SAMD5: variants seen among roughly 807,000 people sequenced by gnomAD.
SAMD5 encodes sterile alpha motif domain-containing protein 5.
A neutral mutation model predicts 11.3 loss-of-function variants in SAMD5; 13 were observed. The observed-to-expected ratio is 1.15, with a 90% CI of 0.75 to 1.83. The LOEUF (loss-of-function observed/expected upper bound fraction) is 1.83. SAMD5 is among the 40% of genes most tolerant of loss of function. SAMD5 has a pLI of 0.00. For missense variants in SAMD5, 255 were observed against 239.1 expected (o/e 1.07, Z -0.44); for synonymous variants, 129 against 111.3 (o/e 1.16, Z -1.00).
At chr6:147,851,860 A>G in the SAMD5 span, among the ~76,000 whole-genome samples, 19 of 152,214 alleles carry the variant, frequency 1.2e-4, no homozygotes, top group South Asian at 2.1e-4. Flanking sequence ...ATAATGAAAA[A>G]GAATATCCAG....
chr6:147,807,622 C>T, the SAMD5 span, among the ~76,000 whole-genome samples: 2 of 152,110 alleles, frequency 1.3e-5, no homozygotes, highest in African/African-American at 4.8e-5. Flanking sequence ...GTTTGCCCCA[C>T]CCTCATACTA....
At chr6:147,616,743 T>A (rs573488650) in intron 1 of SAMD5, among the ~76,000 whole-genome samples, 1 of 152,102 alleles carries the variant, frequency 6.6e-6, no homozygotes, top group South Asian at 2.1e-4. Context: ...AAACTTACAA[T>A]CATGGCAGAA....
At chr6:147,588,471 A>G (rs1789406648) in intron 1 of SAMD5, among the ~76,000 whole-genome samples, 1 of 151,552 alleles carries the variant, frequency 6.6e-6, no homozygotes, top group South Asian at 2.1e-4. Context: ...CTACAGACGC[A>G]CACCACGGTG....
chr6:147,643,190 C>T (rs900543294), intron 1 of SAMD5, among the ~76,000 whole-genome samples: 8 of 152,024 alleles, frequency 5.3e-5, no homozygotes, highest in East Asian at 3.9e-4. Context: ...TGTTTCATTC[C>T]GTATATTAAT....
chr6:147,715,690 G>A (rs1186115438), intron 1 of SAMD5, among the ~76,000 whole-genome samples: 2 of 152,206 alleles, frequency 1.3e-5, no homozygotes, highest in African/African-American at 2.4e-5. Flanking sequence ...GAAGAATGAA[G>A]TATGTGGATA....
At chr6:147,731,694 C>A (rs1791717040) in intron 1 of SAMD5, among the ~76,000 whole-genome samples, 3 of 149,976 alleles carry the variant, frequency 2.0e-5, no homozygotes, top group Admixed American at 2.0e-4. Flanking sequence ...CCCTCCCTCC[C>A]TCCCTCCCTC....
At chr6:147,821,564 C>T in the SAMD5 span, among the ~76,000 whole-genome samples, 10 of 152,298 alleles carry the variant, frequency 6.6e-5, no homozygotes, top group East Asian at 1.9e-4. Flanking sequence ...TGACATGCTG[C>T]GGGGTTCTGC....
the SAMD5 span, among the ~76,000 whole-genome samples, chr6:147,895,564 T>C: frequency 6.6e-6 from 1 of 152,330 alleles, no homozygotes; most frequent in East Asian, 1.9e-4. Context: ...TGGCATCCAC[T>C]GTTCCCTTCC....
At chr6:147,537,365 G>T (rs559109674) in intron 1 of SAMD5, among the ~76,000 whole-genome samples, 7 of 152,168 alleles carry the variant, frequency 4.6e-5, no homozygotes, top group African/African-American at 1.7e-4. Flanking sequence ...AAATATTAAA[G>T]GTTTAAAACA....
chr6:147,771,387 G>A, the SAMD5 span, among the ~76,000 whole-genome samples: 6 of 152,048 alleles, frequency 3.9e-5, no homozygotes, highest in African/African-American at 1.2e-4. Flanking sequence ...TCCCTCACAC[G>A]CATCCCCTTT....
In SAMD5 at chr6:147,569,903, G is replaced by A; in HGVS notation, c.*5447G>A. ...TTATTTTTTTTAAAGGACGTTATGA[G>A]AAGGCACTATGAAAAGCCTAATTGG... On this transcript the variant is annotated 3_prime_UTR_variant, in exon 2 of 2. Transcript: ENST00000367474. 1 of 985,166 alleles carries A rather than the reference G, an allele frequency of 1.0e-6. No individual in the cohort carries two copies. Among genetic ancestry groups the A allele is most frequent in the Non-Finnish European group, 1.2e-6 (1 of 829,750 alleles). 61.0% of individuals were successfully genotyped at this position (985,166 alleles called of 1,614,324 possible). A position where few individuals can be genotyped will look rare whatever the true frequency, so the allele number is the denominator to read the frequency against.
intron 1 of SAMD5, among the ~76,000 whole-genome samples, chr6:147,720,950 T>G: frequency 2.2e-5 from 3 of 133,764 alleles, no homozygotes; most frequent in East Asian, 4.7e-4. Context: ...TATGCGGCGT[T>G]TGGTTTTTTG....
chr6:147,765,861 T>C, the SAMD5 span, among the ~76,000 whole-genome samples: 2 of 151,958 alleles, frequency 1.3e-5, no homozygotes, highest in Admixed American at 6.6e-5. Context: ...CAGGGATAAA[T>C]AGTGAAAAAC....
At chr6:147,677,344 T>C (rs1790877919) in intron 1 of SAMD5, among the ~76,000 whole-genome samples, 1 of 151,920 alleles carries the variant, frequency 6.6e-6, no homozygotes, top group Non-Finnish European at 1.5e-5. Context: ...GAGAAAGTGG[T>C]GTGGTAAGGA....
chr6:147,860,560 G>C, the SAMD5 span, among the ~76,000 whole-genome samples: 34 of 152,142 alleles, frequency 2.2e-4, no homozygotes, highest in African/African-American at 7.2e-4. Flanking sequence ...ATCCACCTGT[G>C]CATCTTTGAA....
At chr6:147,891,465 A>G in the SAMD5 span, among the ~76,000 whole-genome samples, 3 of 152,162 alleles carry the variant, frequency 2.0e-5, no homozygotes, top group East Asian at 5.8e-4. Flanking sequence ...GCCATAGGAC[A>G]TAGAGGAACA....
Position 147,508,879 on chromosome 6 carries a change from G to T in SAMD5, c.-50G>T, listed in dbSNP as rs745408461. The T allele has an allele frequency of 1.9e-6, 3 of 1,577,762 alleles. No individual in the cohort carries two copies. In the Admixed American group the frequency reaches 5.5e-5, roughly 29 times the overall value. ...AGTTCCAAGAACTGGTGCCGCCCGT[G>T]CCATTTGGGCGCTGGGAAGGTGCTC... On this transcript the variant is annotated 5_prime_UTR_variant, in exon 1 of 2. Transcript: ENST00000367474.
the SAMD5 span, among the ~76,000 whole-genome samples, chr6:147,919,770 T>G: frequency 6.6e-6 from 1 of 152,196 alleles, no homozygotes; most frequent in African/African-American, 2.4e-5. Context: ...TGAGTATCAT[T>G]CAAGGGATGT....
intron 1 of SAMD5, among the ~76,000 whole-genome samples, chr6:147,652,043 A>T (rs1463392602): frequency 1.3e-5 from 2 of 152,206 alleles, no homozygotes; most frequent in African/African-American, 4.8e-5. Flanking sequence ...CACAATACTG[A>T]TAAATAAAAG....
Sources: gnomAD v4.1 joint callset for allele counts (sites outside exome capture counted in the v4.1 genomes callset) on GRCh38, gnomAD v4.1.1 for gene constraint, MANE v1.5 for transcripts, NCBI Gene and HGNC (gene_info 2026-07-23, HGNC 2026-07-21) for gene names.